The following MAP2K4 variants were observed in gnomAD, a reference collection of about 807,000 sequenced individuals.
The protein encoded by MAP2K4 is dual specificity mitogen-activated protein kinase kinase 4.
In MAP2K4, 4 loss-of-function variants were observed where a neutral mutation model predicts 48.5. That is an observed-to-expected ratio of 0.08 (90% CI 0.04 to 0.19). The LOEUF (loss-of-function observed/expected upper bound fraction) is 0.19. Among genes scored for constraint, MAP2K4 ranks in the 10% least tolerant of loss-of-function variants. The pLI is 1.00. For missense variants in MAP2K4, 258 were observed against 493.3 expected, an observed-to-expected ratio of 0.52 and a Z score of 4.52; for synonymous variants, 166 against 173.1, an observed-to-expected ratio of 0.96 and a Z score of 0.32.
intron 7 of MAP2K4, chr17:12,115,600 C>T: frequency 1.4e-6 from 1 of 725,860 alleles, no homozygotes. Flanking sequence ...ATGAAGTGAG[C>T]AAATTGTAAA....
chr17:12,141,270 T>C lies in MAP2K4; in HGVS notation c.*10T>C, dbSNP rs1973370338. 1.3e-6 allele frequency: 2 copies of C among 1,567,576 alleles called. No homozygotes were observed. Among genetic ancestry groups the C allele is most frequent in the Non-Finnish European group, 1.8e-6 (2 of 1,137,892 alleles). ...CATGTATGTCGATTGATATCGCTGC[T>C]ACATCAGACTCTAGAAAAAAGGGCT... On this transcript the variant is annotated 3_prime_UTR_variant, in exon 11 of 11. Coordinates refer to ENST00000353533, the MANE Select transcript of MAP2K4 (RefSeq NM_003010.4).
chr17:12,058,311 C>T (rs531477418), intron 2 of MAP2K4, among the ~76,000 whole-genome samples: 38 of 151,630 alleles, frequency 2.5e-4, no homozygotes, highest in South Asian at 2.1e-4. Context: ...GGGATCCTCC[C>T]GCCTCAGCCT....
intron 2 of MAP2K4, among the ~76,000 whole-genome samples, chr17:12,064,015 A>AG (rs1198392092): frequency 1.0e-4 from 8 of 77,796 alleles, no homozygotes; most frequent in African/African-American, 1.8e-4. Flanking sequence ...GGAGAGGGGA[A>AG]GGGGGGGAGA....
At chr17:12,095,215 C>CTATAATTATTCATAT (rs1971694694) in intron 3 of MAP2K4, among the ~76,000 whole-genome samples, 1 of 152,126 alleles carries the variant, frequency 6.6e-6, no homozygotes, top group Non-Finnish European at 1.5e-5. Context: ...ATACAGCTAC[C>CTATAATTATTCATAT]TATAATTATT....
chr17:12,061,495 C>G (rs1310611816), intron 2 of MAP2K4, among the ~76,000 whole-genome samples: 1 of 152,170 alleles, frequency 6.6e-6, no homozygotes, highest in African/African-American at 2.4e-5. Flanking sequence ...CCCCTACCCC[C>G]TTGAGATTCA....
In MAP2K4 at chr17:12,107,861, A is replaced by T. The variant is rs1438376427; in HGVS notation, c.585A>T (p.Val195=). 1.2e-6 allele frequency: 2 copies of T among 1,604,234 alleles called. No individual in the cohort carries two copies. The highest frequency in any genetic ancestry group is 2.2e-5 in the South Asian group (2 of 89,258). The change falls in exon 5 of 11, where the codon GTA becomes GTT. Residue 195 remains valine, a synonymous_variant. Coordinates refer to ENST00000353533, the MANE Select transcript of MAP2K4 (RefSeq NM_003010.4). The part of the protein sequence containing the change: ...FDKFYKYVYS[V]LDDVIPEEIL... ...AGTTTTACAAATATGTATATAGTGT[A>T]TTAGATGATGTTATTCCAGAAGAAA...
At chr17:12,024,438 G>A (rs994974682) in intron 1 of MAP2K4, among the ~76,000 whole-genome samples, 19 of 152,110 alleles carry the variant, frequency 1.2e-4, no homozygotes, top group African/African-American at 4.6e-4. Context: ...AGATTTGAGT[G>A]TCTTCACTCA....
intron 1 of MAP2K4, among the ~76,000 whole-genome samples, chr17:12,046,032 A>G (rs532648976): frequency 6.6e-6 from 1 of 152,322 alleles, no homozygotes; most frequent in South Asian, 2.1e-4. Flanking sequence ...ATGTATAGCA[A>G]TAGTGTTTCT....
intron 2 of MAP2K4, among the ~76,000 whole-genome samples, chr17:12,061,115 A>G (rs917689253): frequency 6.6e-6 from 1 of 152,146 alleles, no homozygotes; most frequent in Admixed American, 6.5e-5. Context: ...TAATGTCTTC[A>G]AGGTTCATTC....
chr17:12,121,331 G>T (rs955837093), intron 7 of MAP2K4, among the ~76,000 whole-genome samples: 2 of 152,098 alleles, frequency 1.3e-5, no homozygotes, highest in East Asian at 3.9e-4. Context: ...AAACACTCAG[G>T]TTCCAAGCTT....
Position 12,053,492 on chromosome 17 carries a change from C to T in MAP2K4, c.116-1397C>T, listed in dbSNP as rs2151525063. 1.3e-5 allele frequency among the ~76,000 whole-genome samples: 2 copies of T among 151,232 alleles called. 1 individual carries two copies. Among genetic ancestry groups the T allele is most frequent in the South Asian group, 4.2e-4 (2 of 4,786 alleles). On this transcript the variant is annotated intron_variant, in intron 1 of 10. Transcript: ENST00000353533. ...CTGATTTTTGTATTGCAAGAGTTTT[C>T]CCAAGGTTCAATTTTTTTTTAGTTT...
intron 7 of MAP2K4, chr17:12,115,862 G>A (rs1457432537): frequency 1.3e-5 from 9 of 675,278 alleles, no homozygotes; most frequent in African/African-American, 3.5e-5. Context: ...GTACTGCATC[G>A]TCGGCACCTT....
At chr17:12,137,644 T>TA (rs1478840728) in intron 9 of MAP2K4, among the ~76,000 whole-genome samples, 3 of 152,118 alleles carry the variant, frequency 2.0e-5, no homozygotes, top group African/African-American at 7.2e-5. Context: ...AAGATGCATG[T>TA]AATGGAAATA....
intron 1 of MAP2K4, among the ~76,000 whole-genome samples, chr17:12,029,934 AAAG>A (rs1478068418): frequency 6.6e-6 from 1 of 152,076 alleles, no homozygotes; most frequent in Non-Finnish European, 1.5e-5. Context: ...AAAAAGAAAA[AAAG>A]AAAAATTGAA....
intron 5 of MAP2K4, among the ~76,000 whole-genome samples, chr17:12,109,344 T>TTA (rs892420595): frequency 4.6e-5 from 7 of 152,152 alleles, no homozygotes; most frequent in Non-Finnish European, 1.0e-4. Flanking sequence ...GGTGATCACT[T>TTA]TATATATATT....
intron 7 of MAP2K4, among the ~76,000 whole-genome samples, chr17:12,116,701 C>G (rs1012046355): frequency 6.6e-6 from 1 of 152,228 alleles, no homozygotes; most frequent in East Asian, 1.9e-4. Context: ...CTTCTACATC[C>G]ACATCTTGCC....
At chr17:12,091,899 T>A (rs1971575797) in intron 3 of MAP2K4, among the ~76,000 whole-genome samples, 1 of 152,210 alleles carries the variant, frequency 6.6e-6, no homozygotes. Context: ...AAGTAAAACT[T>A]GAAATAATCT....
At chr17:12,101,834 TATC>T (rs1597468050) in intron 4 of MAP2K4, among the ~76,000 whole-genome samples, 1 of 152,280 alleles carries the variant, frequency 6.6e-6, no homozygotes, top group East Asian at 1.9e-4. Flanking sequence ...AATGCACAAA[TATC>T]ATTTGATTTT....
intron 1 of MAP2K4, among the ~76,000 whole-genome samples, chr17:12,022,119 C>T (rs1167446782): frequency 6.6e-6 from 1 of 152,150 alleles, no homozygotes; most frequent in African/African-American, 2.4e-5. Context: ...TGATTCCATT[C>T]CTCTTAAAGG....
Sources: allele counts gnomAD v4.1 joint callset (sites outside exome capture counted in the v4.1 genomes callset), GRCh38; gene constraint gnomAD v4.1.1; transcripts MANE v1.5; gene names NCBI Gene and HGNC (gene_info 2026-07-23, HGNC 2026-07-21).